Variants in NALCN observed in about 807,000 individuals in gnomAD.
NALCN encodes sodium leak channel NALCN.
NALCN carries 111 observed loss-of-function variants against 225.3 expected under a neutral mutation model. The observed-to-expected ratio is 0.49, with a 90% CI of 0.42 to 0.58. NALCN has a LOEUF of 0.58. Ranked by LOEUF, NALCN falls within the 20% of genes least tolerant of loss-of-function variation. The pLI, the probability that NALCN is intolerant of heterozygous loss-of-function variation, is 0.00. For missense variants in NALCN, 1,378 were observed against 2,202.4 expected, an observed-to-expected ratio of 0.63 and a Z score of 7.49; for synonymous variants, 764 against 769.0, an observed-to-expected ratio of 0.99 and a Z score of 0.11.
intron 13 of NALCN, among the ~76,000 whole-genome samples, chr13:101,225,193 G>A (rs963341734): frequency 7.2e-5 from 11 of 152,002 alleles, no homozygotes; most frequent in Admixed American, 3.9e-4. Context: ...GTAAAAAACC[G>A]CAGGAAAGAA....
chr13:101,170,304 G>A (rs1375810979), intron 15 of NALCN, among the ~76,000 whole-genome samples: 1 of 152,160 alleles, frequency 6.6e-6, no homozygotes, highest in Non-Finnish European at 1.5e-5. Context: ...TGTTTACATG[G>A]TGCAGGCAAT....
Position 101,249,692 on chromosome 13 carries a change from A to C in NALCN, c.1266+8751T>G, listed in dbSNP as rs574534908. 2.0e-4 allele frequency among the ~76,000 whole-genome samples: 31 copies of C among 152,292 alleles called. No individual in the cohort carries two copies. The South Asian group carries it at 6.2e-3, about 31-fold the overall frequency. ...CTCAGTATAGGTAGAAGAAGATTGAATACTCAACTCATAATGAGAAATGCT... is the reference window on the plus strand; with the variant it reads ...CTCAGTATAGGTAGAAGAAGATTGACTACTCAACTCATAATGAGAAATGCT... On this transcript the variant is annotated intron_variant, in intron 11 of 43. Transcript: ENST00000251127.
intron 15 of NALCN, among the ~76,000 whole-genome samples, chr13:101,168,041 C>T (rs1249352149): frequency 2.0e-5 from 3 of 151,708 alleles, no homozygotes; most frequent in African/African-American, 4.8e-5. Context: ...TTTTTTTGAC[C>T]TCTCTGAAGT....
At chr13:101,346,765 T>G (rs1420613977) in intron 6 of NALCN, among the ~76,000 whole-genome samples, 1 of 152,154 alleles carries the variant, frequency 6.6e-6, no homozygotes, top group African/African-American at 2.4e-5. Flanking sequence ...AGACTCTCAT[T>G]CTGGGTTGAC....
At chr13:101,256,703 T>C (rs1050778162) in intron 11 of NALCN, among the ~76,000 whole-genome samples, 5 of 151,934 alleles carry the variant, frequency 3.3e-5, no homozygotes, top group Non-Finnish European at 5.9e-5. Context: ...CTTCCTTCAT[T>C]GTTCTTTCCC....
chr13:101,401,460 A>C (rs1373136658), intron 1 of NALCN, among the ~76,000 whole-genome samples: 1 of 152,160 alleles, frequency 6.6e-6, no homozygotes, highest in Non-Finnish European at 1.5e-5. Flanking sequence ...GAGTGGTTTC[A>C]CTTCAAAGAT....
chr13:101,353,140 C>T (rs547490134), intron 6 of NALCN, among the ~76,000 whole-genome samples: 3 of 152,166 alleles, frequency 2.0e-5, no homozygotes, highest in Non-Finnish European at 2.9e-5. Flanking sequence ...GAGAAAATTA[C>T]ACCCACACAC....
intron 6 of NALCN, chr13:101,373,003 G>A (rs2046584335): frequency 8.5e-6 from 3 of 354,792 alleles, no homozygotes; most frequent in Admixed American, 3.8e-5. Flanking sequence ...CTATTCTACA[G>A]ATGTTAAAAA....
chr13:101,191,398 T>C (rs1422403112), intron 14 of NALCN, among the ~76,000 whole-genome samples: 2 of 152,014 alleles, frequency 1.3e-5, no homozygotes, highest in African/African-American at 2.4e-5. Flanking sequence ...TTTACAATAC[T>C]TGCAGCAATG....
chr13:101,091,248 T>C (rs1476726840), intron 28 of NALCN, among the ~76,000 whole-genome samples: 1 of 152,160 alleles, frequency 6.6e-6, no homozygotes, highest in Non-Finnish European at 1.5e-5. Context: ...GTAGGCCCCT[T>C]GGAGCCTATT....
At chr13:101,294,782 C>T (rs1278624511) in intron 7 of NALCN, among the ~76,000 whole-genome samples, 2 of 151,828 alleles carry the variant, frequency 1.3e-5, no homozygotes, top group Non-Finnish European at 2.9e-5. Context: ...TGCAGAAGTA[C>T]AGTATACAGA....
Position 101,302,018 on chromosome 13 carries a change from C to T in NALCN, c.800-9652G>A, listed in dbSNP as rs539660524. Among the ~76,000 whole-genome samples, 77 of 152,160 alleles carry T rather than the reference C, an allele frequency of 5.1e-4. 3 individuals are homozygous for T. The South Asian group carries it at 0.015, about 30-fold the overall frequency. On this transcript the variant is annotated intron_variant, in intron 7 of 43. Coordinates refer to ENST00000251127, the MANE Select transcript of NALCN (RefSeq NM_052867.4). ...CTCTGAGGGTCTTTTAGTTTTGTCA[C>T]CCATATTTTAAAGATTTATTGGAAG...
chr13:101,098,816 C>CA (rs2034654245), intron 27 of NALCN, among the ~76,000 whole-genome samples: 1 of 150,052 alleles, frequency 6.7e-6, no homozygotes, highest in Non-Finnish European at 1.5e-5. Context: ...TTTGAGAAGA[C>CA]AAAAAGACTC....
At chr13:101,095,863 A>G (rs2034474383) in intron 27 of NALCN, among the ~76,000 whole-genome samples, 183 bp from the exon 28 acceptor site, 1 of 152,174 alleles carries the variant, frequency 6.6e-6, no homozygotes, top group African/African-American at 2.4e-5. Context: ...TTAAAAATCG[A>G]TGCTGAGAAT....
At position 101,229,434 on chromosome 13, in the gene NALCN, A is replaced by G; in HGVS notation, c.1585T>C (p.Cys529Arg). The G allele has an allele frequency of 6.2e-7, 1 of 1,608,034 alleles. No individual in the cohort carries two copies. Among genetic ancestry groups the G allele is most frequent in the Non-Finnish European group, 8.5e-7 (1 of 1,177,628 alleles). The change falls in exon 13 of 44, where the codon TGC (cysteine) becomes CGC (arginine). Residue 529 changes from cysteine (C) to arginine (R), a missense_variant. By Grantham distance (180) the Cys-to-Arg change is radical. Coordinates refer to ENST00000251127, the MANE Select transcript of NALCN (RefSeq NM_052867.4). ...AATCTGTCCAGTTCTTCGACAAAGC[A>G]GAACATCTGCAAACTAATTGCTGAC... is the stretch of plus-strand genomic sequence containing the variant. The part of the protein sequence containing the change: ...VMSAISLQMF[C>R]FVEELDRFTT...
chr13:101,303,272 G>A (rs1178385745), intron 7 of NALCN, among the ~76,000 whole-genome samples: 2 of 152,252 alleles, frequency 1.3e-5, no homozygotes, highest in South Asian at 2.1e-4. Context: ...TGATTAGAAC[G>A]AGTTTTAAAT....
Position 101,100,792 on chromosome 13 carries a change from T to C in NALCN, c.3154A>G (p.Ile1052Val). The change falls in exon 27 of 44, where the codon ATT becomes GTT. Residue 1052 changes from isoleucine to valine, a missense_variant. Ile to Val is a conservative substitution (Grantham distance 29). This residue lies in a region of NALCN where 292 missense variants were observed against 409.5 expected (regional missense o/e 0.71). Coordinates refer to ENST00000251127, the MANE Select transcript of NALCN (RefSeq NM_052867.4). Reference protein sequence around the residue: ...KLAKCNDPNIIRREDCNGIFR... With the variant: ...KLAKCNDPNIVRREDCNGIFR... ...AGAAAGATACATCTTACCCTTCTAA[T>C]AATGTTGGGATCATTGCACTTGGCC... 1 of 1,605,540 alleles carries C rather than the reference T, an allele frequency of 6.2e-7. No individual in the cohort carries two copies. The highest frequency in any genetic ancestry group is 8.5e-7 in the Non-Finnish European group (1 of 1,176,254).
chr13:101,067,774 TG>T, intron 39 of NALCN, 143 bp downstream of exon 39: 1 of 667,536 alleles, frequency 1.5e-6, no homozygotes, highest in South Asian at 1.7e-5. Context: ...AGGATTCTGC[TG>T]AACTGTAAAT....
chr13:101,272,744 G>A (rs1322253981), intron 10 of NALCN, among the ~76,000 whole-genome samples: 1 of 152,140 alleles, frequency 6.6e-6, no homozygotes. Flanking sequence ...ATGGGCTGGG[G>A]AGAGAGCTGC....
Sources: allele counts gnomAD v4.1 joint callset (sites outside exome capture counted in the v4.1 genomes callset), GRCh38; gene constraint gnomAD v4.1.1; regional missense constraint gnomAD v4.1.1; transcripts MANE v1.5; gene names NCBI Gene and HGNC (gene_info 2026-07-23, HGNC 2026-07-21).